The following CLEC2B variants were observed in gnomAD, a reference collection of about 807,000 sequenced individuals.
CLEC2B encodes the protein C-type (calcium dependent, carbohydrate-recognition domain) lectin, superfamily member 2 (activation-induced).
In CLEC2B, 14 loss-of-function variants were observed where a neutral mutation model predicts 16.2. That is an observed-to-expected ratio of 0.86 (90% CI 0.57 to 1.35). The LOEUF (loss-of-function observed/expected upper bound fraction) is 1.35. Ranked by LOEUF, CLEC2B falls within the 40% of genes most tolerant of loss-of-function variation. The pLI, the probability that CLEC2B is intolerant of heterozygous loss-of-function variation, is 0.00. For missense variants in CLEC2B, 166 were observed against 182.3 expected, an observed-to-expected ratio of 0.91 and a Z score of 0.52; for synonymous variants, 42 against 55.8, an observed-to-expected ratio of 0.75 and a Z score of 1.10.
At chr12:9,860,377 T>C (rs962473921) in intron 2 of CLEC2B, among the ~76,000 whole-genome samples, 4 of 151,740 alleles carry the variant, frequency 2.6e-5, no homozygotes, top group African/African-American at 7.2e-5. Context: ...AGAGACTAAA[T>C]AGGACAATAG....
Position 9,867,698 on chromosome 12 carries a change from G to A in CLEC2B, c.-3+1507C>T, listed in dbSNP as rs73247314. Among the ~76,000 whole-genome samples, 296 of 152,228 alleles carry A rather than the reference G, an allele frequency of 1.9e-3. 1 individual carries two copies. Among genetic ancestry groups the A allele is most frequent in the African/African-American group, 6.3e-3 (262 of 41,574 alleles). The stretch of plus-strand genomic sequence containing the variant: ...CCTTCTTAACGTTTGATGAGGCTAT[G>A]CTTAAAAGGACACTTCCCCAGACAG... On this transcript the variant is annotated intron_variant, in intron 1 of 4. Transcript: ENST00000228438.
rs143840705 is a variant in CLEC2B at position 9,859,852 on chromosome 12, A to G, written c.74-2215T>C. ...AAGAATGTTAAAAGGTTAATAGGTTATGATCAAGTTGAATCTATCACAGAA... is the reference window on the plus strand; with the variant it reads ...AAGAATGTTAAAAGGTTAATAGGTTGTGATCAAGTTGAATCTATCACAGAA... On this transcript the variant is annotated intron_variant, in intron 2 of 4. Coordinates refer to ENST00000228438, the MANE Select transcript of CLEC2B (RefSeq NM_005127.3). Among the ~76,000 whole-genome samples, 332 of 151,958 alleles carry G rather than the reference A, an allele frequency of 2.2e-3. 1 individual carries two copies. Among genetic ancestry groups the G allele is most frequent in the African/African-American group, 7.7e-3 (319 of 41,558 alleles).
In CLEC2B at chr12:9,853,368, C is replaced by T. The variant is rs776179456; in HGVS notation, c.382G>A (p.Asp128Asn). The change falls in exon 5 of 5, where the codon GAT becomes AAT. Residue 128 changes from aspartate to asparagine, a missense_variant. Coordinates refer to ENST00000228438, the MANE Select transcript of CLEC2B (RefSeq NM_005127.3). ...RGSEGCAYLS[D>N]DGAATARCYT... ...CATCTAGCTGTTGCTGCACCATCAT[C>T]GCTGAGGTAGGCACATCCTTCACTC... 16 of 1,614,096 alleles carry T rather than the reference C, an allele frequency of 9.9e-6. No individual in the cohort carries two copies. The South Asian group carries it at 1.3e-4, about 13-fold the overall frequency.
intron 1 of CLEC2B, among the ~76,000 whole-genome samples, chr12:9,867,504 C>T (rs1311641353): frequency 6.6e-6 from 1 of 152,056 alleles, no homozygotes; most frequent in South Asian, 2.1e-4. Flanking sequence ...TTCATTGTTA[C>T]TGAATTCTCA....
intron 2 of CLEC2B, among the ~76,000 whole-genome samples, chr12:9,862,131 A>G (rs934618641): frequency 6.6e-6 from 1 of 152,116 alleles, no homozygotes; most frequent in Non-Finnish European, 1.5e-5. Flanking sequence ...GCATGACTGT[A>G]TTTATGATAC....
intron 1 of CLEC2B, among the ~76,000 whole-genome samples, chr12:9,863,805 A>G (rs1441018844): frequency 1.3e-5 from 2 of 152,170 alleles, no homozygotes; most frequent in Non-Finnish European, 2.9e-5. Flanking sequence ...CTTGTAGAAA[A>G]TTACTGCAAA....
intron 3 of CLEC2B, among the ~76,000 whole-genome samples, chr12:9,855,120 TAGAATTACATG>T (rs1244458617): frequency 6.6e-6 from 1 of 152,110 alleles, no homozygotes; most frequent in Non-Finnish European, 1.5e-5. Context: ...TCTTTAATCA[TAGAATTACATG>T]AGAAAGTCCT....
chr12:9,854,976 A>G (rs1867884439), intron 3 of CLEC2B: 1 of 155,228 alleles, frequency 6.4e-6, no homozygotes, highest in Non-Finnish European at 1.4e-5. Flanking sequence ...TAATTATCAA[A>G]TTTTATTTTT....
intron 1 of CLEC2B, among the ~76,000 whole-genome samples, chr12:9,868,736 C>T (rs1175141321): frequency 6.6e-6 from 1 of 152,032 alleles, no homozygotes; most frequent in African/African-American, 2.4e-5. Context: ...TATCGGAGTA[C>T]TAGCAATTCC....
chr12:9,862,533 A>G lies in CLEC2B; in HGVS notation c.39T>C (p.Gly13=). 1 of 1,470,586 alleles carries G rather than the reference A, an allele frequency of 6.8e-7. No homozygotes were observed. The highest frequency in any genetic ancestry group is 9.2e-7 in the Non-Finnish European group (1 of 1,090,900). The allele number at this position is 1,470,586 out of a possible 1,614,324, so 91.1% of individuals were successfully genotyped here. The change falls in exon 2 of 5, where the codon GGT becomes GGC. Residue 13 remains glycine, a synonymous_variant. Transcript: ENST00000228438. ...TAATAATATTAGTTGTTATTAAAAC[A>G]CCAACAATTATAAAACACTTTTTAT... The part of the protein sequence containing the change: ...TKHKKCFIIV[G]VLITTNIITL...
At position 9,862,720 on chromosome 12, in the gene CLEC2B, T is replaced by G. The variant is rs1262771917; in HGVS notation, c.-2-147A>C. ...CCAGCAATATCCTAGAATTCAAATATGAGAAGAAGACAATTCCTGGAGCCA... is the reference window on the plus strand; with the variant it reads ...CCAGCAATATCCTAGAATTCAAATAGGAGAAGAAGACAATTCCTGGAGCCA... On this transcript the variant is annotated intron_variant, in intron 1 of 4. Coordinates refer to ENST00000228438, the MANE Select transcript of CLEC2B (RefSeq NM_005127.3). 1.0e-5 allele frequency: 7 copies of G among 690,738 alleles called. No homozygotes were observed. In the Admixed American group the frequency reaches 2.1e-4, roughly 20 times the overall value. The allele number at this position is 690,738 out of a possible 1,614,324, so 42.8% of individuals were successfully genotyped here.
At chr12:9,854,102 T>A (rs190821355) in intron 4 of CLEC2B, among the ~76,000 whole-genome samples, 1 of 152,188 alleles carries the variant, frequency 6.6e-6, no homozygotes, top group Non-Finnish European at 1.5e-5. Flanking sequence ...GGATAGTTTA[T>A]AATCAGAGAA....
At chr12:9,866,201 A>G (rs1232952932) in intron 1 of CLEC2B, among the ~76,000 whole-genome samples, 1 of 152,124 alleles carries the variant, frequency 6.6e-6, no homozygotes, top group Non-Finnish European at 1.5e-5. Context: ...CCTTATTAAT[A>G]TCATGAATTA....
chr12:9,864,988 G>C (rs1042121699), intron 1 of CLEC2B, among the ~76,000 whole-genome samples: 5 of 152,026 alleles, frequency 3.3e-5, no homozygotes, highest in African/African-American at 1.2e-4. Flanking sequence ...CTCAAGACTA[G>C]CCTGTCCAAC....
chr12:9,864,025 A>T (rs1252307368), intron 1 of CLEC2B, among the ~76,000 whole-genome samples: 1 of 152,158 alleles, frequency 6.6e-6, no homozygotes, highest in Non-Finnish European at 1.5e-5. Flanking sequence ...TCAAAGGTCA[A>T]GGAAAAAGAG....
At chr12:9,863,438 C>T (rs1166307494) in intron 1 of CLEC2B, among the ~76,000 whole-genome samples, 1 of 152,086 alleles carries the variant, frequency 6.6e-6, no homozygotes, top group African/African-American at 2.4e-5. Context: ...CTGCGATACC[C>T]CTAAATGGAC....
intron 2 of CLEC2B, among the ~76,000 whole-genome samples, chr12:9,860,744 T>A (rs1335147368): frequency 1.3e-5 from 2 of 151,858 alleles, no homozygotes; most frequent in African/African-American, 4.8e-5. Flanking sequence ...GACAGAATGA[T>A]ATAGATACAA....
chr12:9,864,437 C>T (rs1565516303), intron 1 of CLEC2B, among the ~76,000 whole-genome samples: 1 of 152,178 alleles, frequency 6.6e-6, no homozygotes, highest in Non-Finnish European at 1.5e-5. Flanking sequence ...GCACAATCTT[C>T]TCATATCCCT....
rs1488988370 is a variant in CLEC2B, at chr12:9,853,403, C to G, written c.347G>C (p.Gly116Ala). ...GGCACATCCTTCACTCCCTCTCATG[C>G]CAAACCTGCAACAAAGGGATTAACC... ...VDGATFTKSF[G>A]MRGSEGCAYL... Residue 116 changes from glycine (G) to alanine (A), a missense_variant, in exon 5 of 5, where the codon GGC becomes GCC. Physicochemically the swap from Gly to Ala is moderately conservative, Grantham distance 60. Transcript: ENST00000228438. The G allele has an allele frequency of 6.2e-7, 1 of 1,612,838 alleles. No homozygotes were observed.
Sources: gnomAD v4.1 joint callset for allele counts (sites outside exome capture counted in the v4.1 genomes callset) on GRCh38, gnomAD v4.1.1 for gene constraint, MANE v1.5 for transcripts, NCBI Gene and HGNC (gene_info 2026-07-23, HGNC 2026-07-21) for gene names.